Variants in LRFN2 observed in about 807,000 individuals in gnomAD.
LRFN2 encodes the protein leucine rich repeat and fibronectin type III domain containing 2.
A neutral mutation model predicts 37.3 loss-of-function variants in LRFN2; 18 were observed. The ratio of observed to expected loss-of-function variants is 0.48; its 90% CI spans 0.33 to 0.72. The LOEUF (loss-of-function observed/expected upper bound fraction) is 0.72, where lower values mean the gene tolerates loss of function less well. Among genes scored for constraint, LRFN2 ranks in the 30% least tolerant of loss-of-function variants. LRFN2 has a pLI of 0.02. For missense variants in LRFN2, 1,006 were observed against 1,060.7 expected (o/e 0.95, Z 0.72); for synonymous variants, 556 against 466.6 (o/e 1.19, Z -2.47).
At chr6:40,572,980 T>C (rs1299501357) in intron 1 of LRFN2, among the ~76,000 whole-genome samples, 1 of 152,208 alleles carries the variant, frequency 6.6e-6, no homozygotes, top group African/African-American at 2.4e-5. Flanking sequence ...GCTGCCTGCA[T>C]AGCCGCCCCA....
intron 1 of LRFN2, among the ~76,000 whole-genome samples, chr6:40,568,170 G>A (rs1169686993): frequency 6.6e-6 from 1 of 152,154 alleles, no homozygotes; most frequent in East Asian, 1.9e-4. Context: ...AGATAACTAA[G>A]CCTCAGTCAA....
rs189278517 is a variant in LRFN2 at position 40,488,281 on chromosome 6, C to T, written c.-18-55150G>A. On this transcript the variant is annotated intron_variant, in intron 1 of 2. Transcript: ENST00000338305. ...TGCAAGGAAGGGGTTCCAAGGAGCC[C>T]TGAATCTTCCTTCCAGACCAGACCT... 1.7e-4 allele frequency among the ~76,000 whole-genome samples: 26 copies of T among 152,176 alleles called. No homozygotes were observed. In the East Asian group the frequency reaches 4.3e-3, roughly 25 times the overall value.
chr6:40,531,809 G>A (rs1048901542), intron 1 of LRFN2, among the ~76,000 whole-genome samples: 3 of 151,972 alleles, frequency 2.0e-5, no homozygotes, highest in Admixed American at 1.3e-4. Flanking sequence ...TTCCCTACAA[G>A]CCTGTATTGG....
chr6:40,440,068 G>A (rs1443715163), intron 1 of LRFN2, among the ~76,000 whole-genome samples: 1 of 151,684 alleles, frequency 6.6e-6, no homozygotes, highest in African/African-American at 2.4e-5. Flanking sequence ...GCCACATCCT[G>A]AATCTCCAAA....
chr6:40,545,426 C>A (rs1047243066), intron 1 of LRFN2, among the ~76,000 whole-genome samples: 4 of 152,228 alleles, frequency 2.6e-5, no homozygotes, highest in Admixed American at 1.3e-4. Flanking sequence ...CCTCCCTGGG[C>A]AGCACCAACG....
intron 1 of LRFN2, among the ~76,000 whole-genome samples, chr6:40,491,264 G>A (rs986123797): frequency 1.3e-5 from 2 of 152,146 alleles, no homozygotes; most frequent in Non-Finnish European, 2.9e-5. Context: ...TCTTTCCTTG[G>A]GACCCCACGA....
At position 40,399,974 on chromosome 6, in the gene LRFN2, C is replaced by G. The variant is rs576744250; in HGVS notation, c.1401-7062G>C. Among the ~76,000 whole-genome samples the G allele has an allele frequency of 5.2e-4, 79 of 151,934 alleles. 2 individuals carry two copies. Among genetic ancestry groups the G allele is most frequent in the Non-Finnish European group, 7.8e-4 (53 of 67,896 alleles). On this transcript the variant is annotated intron_variant, in intron 2 of 2. Coordinates refer to ENST00000338305, the MANE Select transcript of LRFN2 (RefSeq NM_020737.3). ...CTTCTCGGAATCACTCATCACTCCC[C>G]CAGTAAGCCAACTTGATCCCATTGC...
intron 1 of LRFN2, among the ~76,000 whole-genome samples, chr6:40,519,039 G>A (rs79610909): frequency 7.2e-5 from 11 of 152,142 alleles, no homozygotes; most frequent in Middle Eastern, 3.2e-3. Flanking sequence ...AACCCCAGGG[G>A]TGCTAACCAT....
intron 1 of LRFN2, among the ~76,000 whole-genome samples, chr6:40,501,401 G>A (rs1212729666): frequency 6.6e-6 from 1 of 151,810 alleles, no homozygotes; most frequent in African/African-American, 2.4e-5. Flanking sequence ...GCTCACTGAG[G>A]CCTTGATCTC....
At chr6:40,527,850 G>T (rs757393454) in intron 1 of LRFN2, among the ~76,000 whole-genome samples, 3 of 152,166 alleles carry the variant, frequency 2.0e-5, no homozygotes, top group African/African-American at 4.8e-5. Context: ...TGTAGTTTGG[G>T]TCATATAGAG....
chr6:40,582,268 T>A (rs547675722), intron 1 of LRFN2, among the ~76,000 whole-genome samples: 11 of 152,136 alleles, frequency 7.2e-5, no homozygotes, highest in Non-Finnish European at 1.0e-4. Context: ...TCTGGGCACG[T>A]GAACTGTAGC....
chr6:40,471,260 C>T (rs73732666), intron 1 of LRFN2, among the ~76,000 whole-genome samples: 2,057 of 152,234 alleles, frequency 0.014, 59 homozygotes, highest in African/African-American at 0.046. Flanking sequence ...AACTTTAGGG[C>T]TCAACTTCCA....
intron 1 of LRFN2, among the ~76,000 whole-genome samples, chr6:40,496,052 C>G (rs1765218192): frequency 6.6e-6 from 1 of 152,096 alleles, no homozygotes; most frequent in Admixed American, 6.5e-5. Flanking sequence ...CAGAAATGCC[C>G]CACCATCCAC....
chr6:40,560,750 G>T (rs572732718), intron 1 of LRFN2, among the ~76,000 whole-genome samples: 1 of 152,312 alleles, frequency 6.6e-6, no homozygotes, highest in South Asian at 2.1e-4. Context: ...ACTGTGCTTG[G>T]TAAGGACATC....
chr6:40,428,465 G>T (rs1405547364), intron 2 of LRFN2, among the ~76,000 whole-genome samples: 1 of 152,076 alleles, frequency 6.6e-6, no homozygotes, highest in Non-Finnish European at 1.5e-5. Flanking sequence ...TGTGCCCACT[G>T]GTGTCCATGC....
In LRFN2 at chr6:40,579,840, C is replaced by T. The variant is rs546327286; in HGVS notation, c.-19+7101G>A. Reference sequence around the variant, plus strand: ...GCAGTGTCAGGCTCCCTGGGTGGCACGTAGTAGGCATTCAATTAATGCTTG... The same window carrying T: ...GCAGTGTCAGGCTCCCTGGGTGGCATGTAGTAGGCATTCAATTAATGCTTG... On this transcript the variant is annotated intron_variant, in intron 1 of 2. Transcript: ENST00000338305. 1.5e-4 allele frequency among the ~76,000 whole-genome samples: 20 copies of T among 137,222 alleles called. No homozygotes were observed. In the South Asian group the frequency reaches 3.1e-3, roughly 22 times the overall value. 90.0% of individuals were successfully genotyped at this position (137,222 alleles called of 152,430 possible). A position where few individuals can be genotyped will look rare whatever the true frequency, so the allele number is the denominator to read the frequency against.
chr6:40,514,230 T>G (rs1298292899), intron 1 of LRFN2, among the ~76,000 whole-genome samples: 1 of 152,028 alleles, frequency 6.6e-6, no homozygotes. Context: ...ATGCTCCAGA[T>G]AGTTTTGACC....
chr6:40,523,022 T>C (rs1029322364), intron 1 of LRFN2, among the ~76,000 whole-genome samples: 1 of 152,190 alleles, frequency 6.6e-6, no homozygotes, highest in Non-Finnish European at 1.5e-5. Context: ...AGAATGGCGT[T>C]AGGGAGACTG....
chr6:40,553,035 G>A (rs969819055), intron 1 of LRFN2, among the ~76,000 whole-genome samples: 13 of 152,148 alleles, frequency 8.5e-5, no homozygotes, highest in African/African-American at 2.2e-4. Flanking sequence ...CTGGTTCTCC[G>A]AGCAGGTGTG....
Sources: gnomAD v4.1 joint callset for allele counts (sites outside exome capture counted in the v4.1 genomes callset) on GRCh38, gnomAD v4.1.1 for gene constraint, MANE v1.5 for transcripts, NCBI Gene and HGNC (gene_info 2026-07-23, HGNC 2026-07-21) for gene names.